The following DNAAF9 variants were observed in gnomAD, a reference collection of about 807,000 sequenced individuals.
DNAAF9 encodes the protein shulin.
DNAAF9 carries 90 observed loss-of-function variants against 167.0 expected under a neutral mutation model. The ratio of observed to expected loss-of-function variants is 0.54; its 90% confidence interval spans 0.45 to 0.64. DNAAF9 has a LOEUF of 0.64. DNAAF9 is among the 30% of genes least tolerant of loss of function. The pLI is 0.00. For synonymous variants in DNAAF9, 491 were observed against 508.8 expected, an observed-to-expected ratio of 0.96 and a Z score of 0.47; for missense variants, 1,315 against 1,442.2, an observed-to-expected ratio of 0.91 and a Z score of 1.43.
At position 3,407,655 on chromosome 20, in the gene DNAAF9, C is replaced by T. The variant is rs1364449194; in HGVS notation, c.-98G>A. The T allele has an allele frequency of 3.2e-5, 35 of 1,109,154 alleles. No individual in the cohort carries two copies. The African/African-American group carries it at 5.5e-4, about 17-fold the overall frequency. The allele number at this position is 1,109,154 out of a possible 1,614,324, so 68.7% of individuals were successfully genotyped here. ...CGCTAGCTGCGGCCGGGCGGGGCGG[C>T]AGGGCGTGCCGGGTGGGAGGGGGCG... is the stretch of plus-strand genomic sequence containing the variant. On this transcript the variant is annotated 5_prime_UTR_variant, in exon 1 of 37. Coordinates refer to ENST00000252032, the MANE Select transcript of DNAAF9 (RefSeq NM_001009984.3).
intron 12 of DNAAF9, among the ~76,000 whole-genome samples, chr20:3,329,967 G>A (rs1397635324): frequency 6.6e-6 from 1 of 152,184 alleles, no homozygotes; most frequent in East Asian, 1.9e-4. Context: ...GTCAAATCCA[G>A]AGAAAGACAC....
intron 1 of DNAAF9, among the ~76,000 whole-genome samples, chr20:3,397,863 G>A (rs2083932367): frequency 1.3e-5 from 2 of 152,130 alleles, no homozygotes; most frequent in Admixed American, 6.5e-5. Flanking sequence ...ATATACTATT[G>A]TTTTACTTAA....
intron 10 of DNAAF9, among the ~76,000 whole-genome samples, chr20:3,332,872 G>A (rs974935673): frequency 6.7e-6 from 1 of 150,184 alleles, no homozygotes; most frequent in Admixed American, 6.7e-5. Context: ...GTGTGCGTGC[G>A]TGCATGCGTG....
At position 3,259,489 on chromosome 20, in the gene DNAAF9, T is replaced by C; in HGVS notation, c.3046A>G (p.Lys1016Glu). 1 of 1,607,454 alleles carries C rather than the reference T, an allele frequency of 6.2e-7. No homozygotes were observed. Among genetic ancestry groups the C allele is most frequent in the Non-Finnish European group, 8.5e-7 (1 of 1,173,936 alleles). ...GNIYHILGKV[K>E]FSDSERTMEV... ...CCCAGCCCCTGGTTACCTGAAAACT[T>C]CACTTTGCCCAGGATGTGGTAGATG... The change falls in exon 33 of 37, where the codon AAG (lysine) becomes GAG (glutamate). Residue 1016 changes from lysine to glutamate, a missense_variant. Physicochemically the swap from Lys to Glu is moderately conservative, Grantham distance 56. This residue lies in a region of DNAAF9 where 334 missense variants were observed against 429.7 expected (regional missense o/e 0.78). Coordinates refer to ENST00000252032, the MANE Select transcript of DNAAF9 (RefSeq NM_001009984.3).
chr20:3,316,890 CTTTT>C (rs11424663), intron 17 of DNAAF9, 97 bp from the exon 18 acceptor site: 1,138 of 249,600 alleles, frequency 4.6e-3, no homozygotes, highest in South Asian at 7.1e-3. Flanking sequence ...AGCTAGGGTT[CTTTT>C]TTTTTTTTTT....
At chr20:3,278,720 A>T (rs2068714744) in intron 29 of DNAAF9, among the ~76,000 whole-genome samples, 192 bp downstream of exon 29, 1 of 152,134 alleles carries the variant, frequency 6.6e-6, no homozygotes, top group African/African-American at 2.4e-5. Context: ...CTCCGTCTCA[A>T]AAAAAAGAGA....
At chr20:3,320,125 G>A (rs2069587700) in intron 16 of DNAAF9, among the ~76,000 whole-genome samples, 1 of 152,066 alleles carries the variant, frequency 6.6e-6, no homozygotes, top group Non-Finnish European at 1.5e-5. Context: ...GTGGCACGGG[G>A]AAAGAAAAAA....
At chr20:3,350,138 CAGACACACAG>C (rs777286721) in intron 7 of DNAAF9, among the ~76,000 whole-genome samples, 2,160 of 122,402 alleles carry the variant, frequency 0.018, 41 homozygotes, top group African/African-American at 0.045. Flanking sequence ...CACAGACACA[CAGACACACAG>C]ACACACAGAC....
In DNAAF9 at chr20:3,407,632, C is replaced by A. The variant is rs923101337; in HGVS notation, c.-75G>T. ...CAGTTGCCCGCAGGGCGGCTCCACG[C>A]TAGCTGCGGCCGGGCGGGGCGGCAG... On this transcript the variant is annotated 5_prime_UTR_variant, in exon 1 of 37. Coordinates refer to ENST00000252032, the MANE Select transcript of DNAAF9 (RefSeq NM_001009984.3). 4.0e-5 allele frequency: 47 copies of A among 1,178,024 alleles called. No homozygotes were observed. The highest frequency in any genetic ancestry group is 6.8e-4 in the Middle Eastern group (2 of 2,956). 73.0% of individuals were successfully genotyped at this position (1,178,024 alleles called of 1,614,324 possible). A position where few individuals can be genotyped will look rare whatever the true frequency, so the allele number is the denominator to read the frequency against.
intron 1 of DNAAF9, among the ~76,000 whole-genome samples, chr20:3,403,264 A>C (rs1480519549): frequency 2.6e-5 from 4 of 152,120 alleles, no homozygotes; most frequent in Non-Finnish European, 5.9e-5. Flanking sequence ...TTACAACTAC[A>C]AACATCAAAT....
In DNAAF9 at chr20:3,263,118, G is replaced by A. The variant is rs1433887367; in HGVS notation, c.2873+1320C>T. ...GCCTCCCAAGTAGCTGGGACTACAGGCATCCACCACCACACCTGGCTAATT... is the reference window on the plus strand; with the variant it reads ...GCCTCCCAAGTAGCTGGGACTACAGACATCCACCACCACACCTGGCTAATT... On this transcript the variant is annotated intron_variant, in intron 31 of 36. Transcript: ENST00000252032. Among the ~76,000 whole-genome samples the A allele has an allele frequency of 5.3e-5, 8 of 152,112 alleles. No individual in the cohort carries two copies. The East Asian group carries it at 7.7e-4, about 15-fold the overall frequency.
chr20:3,304,979 C>T (rs1197513785), intron 20 of DNAAF9, among the ~76,000 whole-genome samples: 1 of 152,208 alleles, frequency 6.6e-6, no homozygotes, highest in Non-Finnish European at 1.5e-5. Flanking sequence ...ACTTGGGTCT[C>T]AGCTGAAGAC....
chr20:3,372,692 A>G (rs764901600), intron 6 of DNAAF9, among the ~76,000 whole-genome samples: 7 of 152,198 alleles, frequency 4.6e-5, no homozygotes, highest in Non-Finnish European at 7.4e-5. Flanking sequence ...CTCTGAAACC[A>G]GACCATCTGG....
chr20:3,333,531 TCTAA>T (rs1286479634), intron 10 of DNAAF9, among the ~76,000 whole-genome samples: 2 of 152,200 alleles, frequency 1.3e-5, no homozygotes, highest in Non-Finnish European at 2.9e-5. Flanking sequence ...GAGAACTTAT[TCTAA>T]CTAAGCTATA....
chr20:3,303,179 T>C (rs970144962), intron 21 of DNAAF9, among the ~76,000 whole-genome samples: 3 of 151,756 alleles, frequency 2.0e-5, no homozygotes, highest in African/African-American at 4.8e-5. Context: ...GAGGCAGAGC[T>C]TGCAGTGAGT....
chr20:3,361,279 G>A (rs1435665878), intron 6 of DNAAF9, among the ~76,000 whole-genome samples: 1 of 152,128 alleles, frequency 6.6e-6, no homozygotes, highest in East Asian at 1.9e-4. Flanking sequence ...GAGTGGAAGG[G>A]TTACAATCTA....
chr20:3,250,653 C>T lies in DNAAF9; in HGVS notation c.*1919G>A, dbSNP rs897523744. On this transcript the variant is annotated 3_prime_UTR_variant, in exon 37 of 37. Transcript: ENST00000252032. ...TACAGCCCCACATGGTGAGAAGACC[C>T]GCTCTCACGGGCGGGCTCCGACCCC... is the stretch of plus-strand genomic sequence containing the variant. The T allele has an allele frequency of 2.0e-5, 3 of 152,180 alleles. No individual in the cohort carries two copies. Among genetic ancestry groups the T allele is most frequent in the Admixed American group, 1.3e-4 (2 of 15,268 alleles). The allele number at this position is 152,180 out of a possible 1,614,324, so 9.4% of individuals were successfully genotyped here. A position where few individuals can be genotyped will look rare whatever the true frequency, so the allele number is the denominator to read the frequency against.
chr20:3,384,531 C>T (rs1018282029), intron 1 of DNAAF9: 2 of 149,312 alleles, frequency 1.3e-5, no homozygotes, highest in African/African-American at 4.9e-5. Flanking sequence ...ATGTAAACAT[C>T]CTGCCTTTTT....
At chr20:3,367,232 G>A (rs539618287) in intron 6 of DNAAF9, among the ~76,000 whole-genome samples, 1 of 152,352 alleles carries the variant, frequency 6.6e-6, no homozygotes, top group South Asian at 2.1e-4. Flanking sequence ...ACATTAAAGA[G>A]AGTTAGGGCT....
Sources: allele counts gnomAD v4.1 joint callset (sites outside exome capture counted in the v4.1 genomes callset), GRCh38; gene constraint gnomAD v4.1.1; regional missense constraint gnomAD v4.1.1; transcripts MANE v1.5; gene names NCBI Gene and HGNC (gene_info 2026-07-23, HGNC 2026-07-21).